The following SEPTIN9 variants were observed in gnomAD, a reference collection of about 807,000 sequenced individuals.
SEPTIN9 encodes the protein septin 9.
Under a neutral mutation model 56.6 loss-of-function variants are expected in SEPTIN9, and 13 were observed. The observed-to-expected ratio is 0.23, with a 90% CI of 0.15 to 0.37. The LOEUF (loss-of-function observed/expected upper bound fraction) is 0.37. Among genes scored for constraint, SEPTIN9 ranks in the 10% least tolerant of loss-of-function variants. The pLI is 1.00. For missense variants in SEPTIN9, 650 were observed against 823.1 expected (o/e 0.79, Z 2.57); for synonymous variants, 332 against 334.1 (o/e 0.99, Z 0.07).
chr17:77,319,880 G>T lies in SEPTIN9; in HGVS notation c.76+12683G>T. On this transcript the variant is annotated intron_variant, in intron 2 of 11. Coordinates refer to ENST00000427177, the MANE Select transcript of SEPTIN9 (RefSeq NM_001113491.2). The surrounding 1 kb of genome is among the most constrained non-coding windows in gnomAD (Gnocchi z 5.3). ...AAGGAGCAGCAAGCCTCGGGGCGGCGGGGGCTGGAGGAGGTGGAGAGAGGA... is the reference window on the plus strand; with the variant it reads ...AAGGAGCAGCAAGCCTCGGGGCGGCTGGGGCTGGAGGAGGTGGAGAGAGGA... 9.1e-7 allele frequency: 1 copy of T among 1,094,650 alleles called. No homozygotes were observed. The highest frequency in any genetic ancestry group is 1.6e-5 in the African/African-American group (1 of 61,990). The allele number at this position is 1,094,650 out of a possible 1,614,324, so 67.8% of individuals were successfully genotyped here.
At chr17:77,486,476 G>A (rs114506777) in intron 4 of SEPTIN9, among the ~76,000 whole-genome samples, 3,581 of 149,754 alleles carry the variant, frequency 0.024, 142 homozygotes, top group African/African-American at 0.084. Flanking sequence ...ATGGGGCTCC[G>A]AGTCTGGAGG....
chr17:77,455,303 A>T (rs987648064), intron 3 of SEPTIN9, among the ~76,000 whole-genome samples: 1 of 152,150 alleles, frequency 6.6e-6, no homozygotes, highest in Non-Finnish European at 1.5e-5. Flanking sequence ...CGGCCTCTGC[A>T]TGGCCTTCAG....
At position 77,466,310 on chromosome 17, in the gene SEPTIN9, C is replaced by T. The variant is rs951788433; in HGVS notation, c.722-15834C>T. ...TTGGAGGGCCCAGTGGGCGCAGCCT[C>T]AGGAAAGTGGTCAGGCCCGGGCCAG... On this transcript the variant is annotated intron_variant, in intron 3 of 11. Transcript: ENST00000427177. 2.5e-5 allele frequency: 21 copies of T among 856,518 alleles called. No individual in the cohort carries two copies. The African/African-American group carries it at 3.5e-4, about 14-fold the overall frequency. The allele number at this position is 856,518 out of a possible 1,614,324, so 53.1% of individuals were successfully genotyped here.
chr17:77,403,388 G>T (rs1346559660), intron 3 of SEPTIN9, among the ~76,000 whole-genome samples: 1 of 152,228 alleles, frequency 6.6e-6, no homozygotes, highest in Admixed American at 6.5e-5. Context: ...GTTTTATTTG[G>T]GGGTGCCCTT....
intron 2 of SEPTIN9, among the ~76,000 whole-genome samples, chr17:77,372,198 T>A (rs1351538487): frequency 1.3e-5 from 2 of 152,298 alleles, no homozygotes; most frequent in Admixed American, 1.3e-4. Context: ...GCCGAGGGTC[T>A]AAGGGACGGG....
At chr17:77,486,083 T>TGGCCCCAAAGGGGGCCCCAAAG (rs2039765519) in intron 4 of SEPTIN9, among the ~76,000 whole-genome samples, 1 of 152,104 alleles carries the variant, frequency 6.6e-6, no homozygotes, top group Admixed American at 6.5e-5. Context: ...CCCAAAGTGC[T>TGGCCCCAAAGGGGGCCCCAAAG]GGGATTACAG....
At position 77,450,832 on chromosome 17, in the gene SEPTIN9, C is replaced by G. The variant is rs1027792266; in HGVS notation, c.722-31312C>G. The G allele has an allele frequency of 1.0e-6, 1 of 983,554 alleles. No individual in the cohort carries two copies. The highest frequency in any genetic ancestry group is 1.2e-6 in the Non-Finnish European group (1 of 828,132). 60.9% of individuals were successfully genotyped at this position (983,554 alleles called of 1,614,324 possible). A position where few individuals can be genotyped will look rare whatever the true frequency, so the allele number is the denominator to read the frequency against. ...CTGCCCCTCCTCTCCTGCTCCTTCT[C>G]CCTTCCATGGTCCCAGCCAGCAAGC... On this transcript the variant is annotated intron_variant, in intron 3 of 11. Coordinates refer to ENST00000427177, the MANE Select transcript of SEPTIN9 (RefSeq NM_001113491.2). This position sits in a 1 kb window ranked among gnomAD's most constrained non-coding sequence, Gnocchi z 6.0.
intron 1 of SEPTIN9, among the ~76,000 whole-genome samples, chr17:77,286,112 G>A (rs2031265667): frequency 1.3e-5 from 2 of 152,256 alleles, no homozygotes; most frequent in Admixed American, 6.5e-5. Context: ...GAGAGAAAAA[G>A]CCACCTCGTA....
Position 77,307,262 on chromosome 17 carries a change from A to G in SEPTIN9, c.76+65A>G, listed in dbSNP as rs548187871. 151 of 1,455,634 alleles carry G rather than the reference A, an allele frequency of 1.0e-4. 2 individuals carry two copies. The South Asian group carries it at 1.6e-3, about 15-fold the overall frequency. The allele number at this position is 1,455,634 out of a possible 1,614,324, so 90.2% of individuals were successfully genotyped here. On this transcript the variant is annotated intron_variant, in intron 2 of 11. Coordinates refer to ENST00000427177, the MANE Select transcript of SEPTIN9 (RefSeq NM_001113491.2). ...GGTGTGTTTGTGCTGGGGTCCCTTC[A>G]TTCTGGTCTGGGACCTGCCTCCCCA... is the stretch of plus-strand genomic sequence containing the variant.
At chr17:77,312,996 G>A (rs1276261639) in intron 2 of SEPTIN9, among the ~76,000 whole-genome samples, 3 of 152,160 alleles carry the variant, frequency 2.0e-5, no homozygotes, top group African/African-American at 4.8e-5. Flanking sequence ...ATGGGGGGGC[G>A]CTGGTTTAGA....
chr17:77,347,237 G>T (rs1465500582), intron 2 of SEPTIN9, among the ~76,000 whole-genome samples: 1 of 151,990 alleles, frequency 6.6e-6, no homozygotes, highest in African/African-American at 2.4e-5. Flanking sequence ...AATTAGCTGG[G>T]CGTGGTGGCA....
At chr17:77,471,629 C>T (rs537112782) in intron 3 of SEPTIN9, among the ~76,000 whole-genome samples, 1 of 152,272 alleles carries the variant, frequency 6.6e-6, no homozygotes, top group South Asian at 2.1e-4. Context: ...CCTCCCCAAC[C>T]CCTGCTTAGG....
At position 77,284,501 on chromosome 17, in the gene SEPTIN9, G is replaced by A. The variant is rs2031184710; in HGVS notation, c.19+2947G>A. Among the ~76,000 whole-genome samples the A allele has an allele frequency of 3.9e-5, 6 of 152,330 alleles. No homozygotes were observed. The South Asian group carries it at 1.2e-3, about 32-fold the overall frequency. ...TGTGGTCCAGTGGTTACACTTGGGG[G>A]CTCAGAGCCGCCAGCCCCTTGGGAT... On this transcript the variant is annotated intron_variant, in intron 1 of 11. Transcript: ENST00000427177.
Position 77,499,305 on chromosome 17 carries a change from G to T in SEPTIN9, c.*647G>T, listed in dbSNP as rs188932761. 3.3e-6 allele frequency: 2 copies of T among 597,326 alleles called. No homozygotes were observed. Among genetic ancestry groups the T allele is most frequent in the Admixed American group, 1.9e-5 (1 of 53,866 alleles). 37.0% of individuals were successfully genotyped at this position (597,326 alleles called of 1,614,324 possible). A position where few individuals can be genotyped will look rare whatever the true frequency, so the allele number is the denominator to read the frequency against. On this transcript the variant is annotated 3_prime_UTR_variant, in exon 12 of 12. Transcript: ENST00000427177. ...GAAAGTGCCTTTATCTCAGCCATCC[G>T]CAGACTGCTTGGCCAGATGCGGGGA...
chr17:77,390,698 G>T (rs895198830), intron 2 of SEPTIN9, among the ~76,000 whole-genome samples: 9 of 152,036 alleles, frequency 5.9e-5, no homozygotes, highest in Non-Finnish European at 1.2e-4. Context: ...TGATCTGCCC[G>T]CCTCTGCCTC....
At chr17:77,460,076 C>G (rs73375392) in intron 3 of SEPTIN9, among the ~76,000 whole-genome samples, 91 of 152,110 alleles carry the variant, frequency 6.0e-4, no homozygotes, top group Middle Eastern at 3.4e-3. Context: ...AAGCCCCACC[C>G]CCCCCAGGCC....
At chr17:77,297,267 C>G (rs2031861466) in intron 1 of SEPTIN9, among the ~76,000 whole-genome samples, 1 of 152,124 alleles carries the variant, frequency 6.6e-6, no homozygotes, top group Non-Finnish European at 1.5e-5. Context: ...TGGGGAACTG[C>G]TGGAGAACTG....
intron 3 of SEPTIN9, chr17:77,471,053 GGAAGA>G (rs2038975038): frequency 6.6e-6 from 1 of 152,272 alleles, no homozygotes; most frequent in Admixed American, 6.5e-5. Context: ...CCTGGAGACG[GGAAGA>G]GAAAACAATT....
chr17:77,360,157 CAAAAAA>C (rs59677016), intron 2 of SEPTIN9, among the ~76,000 whole-genome samples: 1 of 120,884 alleles, frequency 8.3e-6, no homozygotes, highest in African/African-American at 3.0e-5. Flanking sequence ...AACTCTGTCT[CAAAAAA>C]AAAAAAAAAA....
Sources: allele counts gnomAD v4.1 joint callset (sites outside exome capture counted in the v4.1 genomes callset), GRCh38; gene constraint gnomAD v4.1.1; non-coding constraint Gnocchi (gnomAD v3.1); transcripts MANE v1.5; gene names NCBI Gene and HGNC (gene_info 2026-07-23, HGNC 2026-07-21).